Variants in DCDC1 observed in about 807,000 individuals in gnomAD.
DCDC1 encodes the protein doublecortin domain containing 1.
DCDC1 carries 200 observed loss-of-function variants against 178.3 expected under a neutral mutation model. The ratio of observed to expected loss-of-function variants is 1.12; its 90% confidence interval spans 1.00 to 1.26. The LOEUF (loss-of-function observed/expected upper bound fraction) is 1.26, where lower values mean the gene tolerates loss of function less well. Ranked by LOEUF, DCDC1 falls within the 50% of genes most tolerant of loss-of-function variation. DCDC1 has a pLI of 0.00. For missense variants in DCDC1, 1,983 were observed against 1,749.2 expected, an observed-to-expected ratio of 1.13 and a Z score of -2.38; for synonymous variants, 690 against 604.8, an observed-to-expected ratio of 1.14 and a Z score of -2.07.
chr11:31,136,451 T>C (rs895334478), intron 10 of DCDC1, among the ~76,000 whole-genome samples: 7 of 152,128 alleles, frequency 4.6e-5, no homozygotes, highest in Non-Finnish European at 8.8e-5. Context: ...TAATATGGTC[T>C]CTAATGTAAG....
rs1012075179 is a variant in DCDC1, at chr11:31,110,477, T to A, written c.1486-116A>T. 5.4e-6 allele frequency: 3 copies of A among 557,766 alleles called. No homozygotes were observed. The African/African-American group carries it at 5.6e-5, about 10-fold the overall frequency. 34.6% of individuals were successfully genotyped at this position (557,766 alleles called of 1,614,324 possible). ...TCCTTTTTCATGGTACCATGTCAAC[T>A]GAAAATTGTGTACATGGGAATTGTG... On this transcript the variant is annotated intron_variant, in intron 11 of 38. Transcript: ENST00000684477.
intron 20 of DCDC1, among the ~76,000 whole-genome samples, chr11:30,976,599 C>G (rs941274325): frequency 6.6e-6 from 1 of 151,418 alleles, no homozygotes; most frequent in East Asian, 1.9e-4. Context: ...CATCACTAAT[C>G]GTCAGAGAAA....
At chr11:31,081,188 T>C (rs1334600454) in intron 17 of DCDC1, among the ~76,000 whole-genome samples, 1 of 152,224 alleles carries the variant, frequency 6.6e-6, no homozygotes, top group Non-Finnish European at 1.5e-5. Context: ...TGTCAGAATG[T>C]TACTACCCTA....
intron 1 of DCDC1, among the ~76,000 whole-genome samples, chr11:31,346,463 CAAAAAAAAA>C (rs377761189): frequency 1.1e-3 from 91 of 83,702 alleles, no homozygotes; most frequent in South Asian, 2.0e-3. Flanking sequence ...GACTCCGTCT[CAAAAAAAAA>C]AAAAAAAAAA....
chr11:30,891,528 CA>C (rs1442595027), intron 36 of DCDC1, among the ~76,000 whole-genome samples: 10 of 152,276 alleles, frequency 6.6e-5, no homozygotes, highest in Non-Finnish European at 1.3e-4. Flanking sequence ...AGAAATTTAT[CA>C]GTTCTAGGTG....
At chr11:30,918,491 A>T (rs1471998788) in intron 25 of DCDC1, among the ~76,000 whole-genome samples, 1 of 152,218 alleles carries the variant, frequency 6.6e-6, no homozygotes, top group Non-Finnish European at 1.5e-5. Context: ...GTTGAATAAA[A>T]TAGGATATTG....
chr11:31,139,226 CAAT>C (rs1963530738), intron 9 of DCDC1, among the ~76,000 whole-genome samples: 1 of 152,046 alleles, frequency 6.6e-6, no homozygotes, highest in Non-Finnish European at 1.5e-5. Context: ...TAAAAAACAA[CAAT>C]AACAACATGT....
chr11:31,194,394 A>G (rs2136375764), intron 9 of DCDC1, among the ~76,000 whole-genome samples: 1 of 152,264 alleles, frequency 6.6e-6, no homozygotes, highest in Middle Eastern at 3.4e-3. Context: ...ATTAGTCTAC[A>G]TACTCATTTT....
intron 20 of DCDC1, among the ~76,000 whole-genome samples, chr11:30,964,851 G>A (rs930847184): frequency 1.3e-5 from 2 of 152,114 alleles, no homozygotes; most frequent in Non-Finnish European, 2.9e-5. Context: ...TCATTTGCAC[G>A]AAGAATGTTC....
chr11:31,314,156 A>C (rs933969680), intron 3 of DCDC1, among the ~76,000 whole-genome samples: 2 of 152,210 alleles, frequency 1.3e-5, no homozygotes, highest in Non-Finnish European at 2.9e-5. Flanking sequence ...CTATCATATA[A>C]AATGCTAGCC....
At chr11:30,944,445 C>G (rs1947867341) in intron 21 of DCDC1, 5 of 401,650 alleles carry the variant, frequency 1.2e-5, no homozygotes, top group South Asian at 9.4e-5. Context: ...TTCTGAATGC[C>G]ACAATATGAG....
At position 31,303,592 on chromosome 11, in the gene DCDC1, T is replaced by C. The variant is rs189509802; in HGVS notation, c.754+2023A>G. On this transcript the variant is annotated intron_variant, in intron 6 of 38. Coordinates refer to ENST00000684477, the MANE Select transcript of DCDC1 (RefSeq NM_001387274.1). ...GAATATGTGAGTGATATGTAATATA[T>C]CACTCACATCAAGTTAAATATTATC... Among the ~76,000 whole-genome samples the C allele has an allele frequency of 3.9e-5, 6 of 152,220 alleles. No individual in the cohort carries two copies. The East Asian group carries it at 1.2e-3, about 29-fold the overall frequency.
intron 25 of DCDC1, among the ~76,000 whole-genome samples, chr11:30,919,894 C>A (rs1946125394): frequency 6.6e-6 from 1 of 152,138 alleles, no homozygotes; most frequent in Non-Finnish European, 1.5e-5. Flanking sequence ...ACCCATGTGA[C>A]AGAATCTTTG....
intron 20 of DCDC1, among the ~76,000 whole-genome samples, chr11:30,958,201 G>A (rs1035365939): frequency 2.6e-5 from 4 of 152,122 alleles, no homozygotes; most frequent in African/African-American, 9.7e-5. Context: ...AGACAAAACT[G>A]GAAGATCAGG....
intron 22 of DCDC1, among the ~76,000 whole-genome samples, chr11:30,927,957 C>T (rs1399637952): frequency 1.3e-5 from 2 of 152,046 alleles, no homozygotes; most frequent in Non-Finnish European, 2.9e-5. Context: ...AAAATTACAA[C>T]ATATTTCATA....
chr11:31,242,167 T>A (rs981685175), intron 8 of DCDC1, among the ~76,000 whole-genome samples: 1 of 151,938 alleles, frequency 6.6e-6, no homozygotes, highest in Admixed American at 6.6e-5. Context: ...GGGGGCAGAA[T>A]CTTAAACAAG....
At chr11:31,180,513 T>A (rs191586199) in intron 9 of DCDC1, among the ~76,000 whole-genome samples, 1 of 152,064 alleles carries the variant, frequency 6.6e-6, no homozygotes, top group African/African-American at 2.4e-5. Context: ...TCTCGTCTCA[T>A]TGGGACGGGT....
At chr11:30,953,300 A>C (rs1948543669) in intron 20 of DCDC1, among the ~76,000 whole-genome samples, 1 of 148,574 alleles carries the variant, frequency 6.7e-6, no homozygotes, top group African/African-American at 2.4e-5. Flanking sequence ...TATTATCATA[A>C]GCATTATATT....
intron 3 of DCDC1, among the ~76,000 whole-genome samples, chr11:31,315,724 A>C: frequency 8.8e-6 from 1 of 113,958 alleles, no homozygotes; most frequent in Non-Finnish European, 1.7e-5. Context: ...TTACATATGT[A>C]TACATGTGCC....
Sources: allele counts gnomAD v4.1 joint callset (sites outside exome capture counted in the v4.1 genomes callset), GRCh38; gene constraint gnomAD v4.1.1; transcripts MANE v1.5; gene names NCBI Gene and HGNC (gene_info 2026-07-23, HGNC 2026-07-21).